Variants in GRM4 observed in about 807,000 individuals in gnomAD.
GRM4 encodes glutamate metabotropic receptor 4.
Under a neutral mutation model 81.7 loss-of-function variants are expected in GRM4, and 28 were observed. The observed-to-expected ratio is 0.34, with a 90% confidence interval of 0.25 to 0.47. The LOEUF is 0.47. Among genes scored for constraint, GRM4 ranks in the 20% least tolerant of loss-of-function variants. The pLI is 1.00. For missense variants in GRM4, 948 were observed against 1,290.0 expected, an observed-to-expected ratio of 0.73 and a Z score of 4.06; for synonymous variants, 488 against 528.8, an observed-to-expected ratio of 0.92 and a Z score of 1.06.
intron 3 of GRM4, among the ~76,000 whole-genome samples, chr6:34,071,572 A>G (rs1766856745): frequency 7.8e-6 from 1 of 128,500 alleles, no homozygotes; most frequent in African/African-American, 2.9e-5. Context: ...TAAACACCAC[A>G]CACACACACA....
In GRM4 at chr6:34,048,617, T is replaced by C. The variant is rs1378170900; in HGVS notation, c.1169-7869A>G. ...ACCTTACTAGGTGACAAGGTTTGGC[T>C]CTGTGTCCCCACCCCAAATCTCACC... On this transcript the variant is annotated intron_variant, in intron 6 of 10. Transcript: ENST00000538487. This position sits in a 1 kb window ranked among gnomAD's most constrained non-coding sequence, Gnocchi z 4.0. Among the ~76,000 whole-genome samples, 2 of 152,152 alleles carry C rather than the reference T, an allele frequency of 1.3e-5. No homozygotes were observed. The highest frequency in any genetic ancestry group is 1.5e-5 in the Non-Finnish European group (1 of 68,026).
chr6:34,077,957 T>C (rs1767402870), intron 3 of GRM4, among the ~76,000 whole-genome samples: 1 of 151,394 alleles, frequency 6.6e-6, no homozygotes. Context: ...CAGTGGCCAC[T>C]GCTGGGCCCT....
intron 3 of GRM4, among the ~76,000 whole-genome samples, chr6:34,081,631 T>C (rs1342551636): frequency 6.6e-6 from 1 of 151,862 alleles, no homozygotes; most frequent in African/African-American, 2.4e-5. Flanking sequence ...GGCCATACAG[T>C]GGTAGAGGGT....
chr6:34,094,752 C>T (rs75675267), intron 2 of GRM4, among the ~76,000 whole-genome samples: 2 of 152,270 alleles, frequency 1.3e-5, no homozygotes, highest in South Asian at 2.1e-4. Flanking sequence ...GAAGCTTGTC[C>T]CTACTTCTGG....
rs1484952546 is a variant in GRM4, at chr6:34,047,693, G to C, written c.1169-6945C>G. Among the ~76,000 whole-genome samples the C allele has an allele frequency of 6.6e-6, 1 of 152,090 alleles. No individual in the cohort carries two copies. Among genetic ancestry groups the C allele is most frequent in the African/African-American group, 2.4e-5 (1 of 41,400 alleles). On this transcript the variant is annotated intron_variant, in intron 6 of 10. Coordinates refer to ENST00000538487, the MANE Select transcript of GRM4 (RefSeq NM_000841.4). The surrounding 1 kb of genome is among the most constrained non-coding windows in gnomAD (Gnocchi z 4.5). ...CTTGGCCCAACACCAACTCCTTCCA[G>C]TCCCAGTGAATGATGCATCCAGGTG...
Position 34,059,403 on chromosome 6 carries a change from C to A in GRM4, c.873-275G>T. On this transcript the variant is annotated intron_variant, in intron 4 of 10. Transcript: ENST00000538487. The surrounding 1 kb of genome is among the most constrained non-coding windows in gnomAD (Gnocchi z 5.7). ...GTGATTCTCCAGGCCTACATCTGTC[C>A]CTGCAAAGACCACACCTCTCCCCTC... is the stretch of plus-strand genomic sequence containing the variant. 1 of 492,044 alleles carries A rather than the reference C, an allele frequency of 2.0e-6. No homozygotes were observed. The highest frequency in any genetic ancestry group is 3.7e-6 in the Non-Finnish European group (1 of 268,786). The allele number at this position is 492,044 out of a possible 1,614,324, so 30.5% of individuals were successfully genotyped here. A position where few individuals can be genotyped will look rare whatever the true frequency, so the allele number is the denominator to read the frequency against.
At chr6:34,073,640 C>T (rs1767154115) in intron 3 of GRM4, among the ~76,000 whole-genome samples, 1 of 152,066 alleles carries the variant, frequency 6.6e-6, no homozygotes, top group African/African-American at 2.4e-5. Flanking sequence ...CACCGTGAAG[C>T]ATCCACACCC....
At position 34,036,750 on chromosome 6, in the gene GRM4, C is replaced by T. The variant is rs77000764; in HGVS notation, c.1507-147G>A. 817 of 582,750 alleles carry T rather than the reference C, an allele frequency of 1.4e-3. 3 individuals are homozygous for T. Among genetic ancestry groups the T allele is most frequent in the African/African-American group, 0.014 (729 of 53,724 alleles). The allele number at this position is 582,750 out of a possible 1,614,324, so 36.1% of individuals were successfully genotyped here. On this transcript the variant is annotated intron_variant, in intron 8 of 10. Transcript: ENST00000538487. This position sits in a 1 kb window ranked among gnomAD's most constrained non-coding sequence, Gnocchi z 9.0. ...TCCAGCTGCCCGGACCCCACAGGGACTTACTGAATCTAACAGCTGGAGTTA... is the reference window on the plus strand; with the variant it reads ...TCCAGCTGCCCGGACCCCACAGGGATTTACTGAATCTAACAGCTGGAGTTA...
chr6:34,110,521 G>A (rs1769330446), intron 2 of GRM4: 2 of 511,758 alleles, frequency 3.9e-6, no homozygotes, highest in Non-Finnish European at 7.0e-6. Context: ...CTGCCAACTG[G>A]GCTTTTCCGC....
Position 34,090,262 on chromosome 6 carries a change from T to C in GRM4, c.736+1621A>G, listed in dbSNP as rs1357961044. 6.6e-6 allele frequency among the ~76,000 whole-genome samples: 1 copy of C among 152,058 alleles called. No individual in the cohort carries two copies. The highest frequency in any genetic ancestry group is 1.5e-5 in the Non-Finnish European group (1 of 67,996). ...TCAGGGCCCTTGATCCCTTCCCCCA[T>C]CCTATACCTTTGCCCCTAAATCCTG... On this transcript the variant is annotated intron_variant, in intron 3 of 10. Coordinates refer to ENST00000538487, the MANE Select transcript of GRM4 (RefSeq NM_000841.4). This position sits in a 1 kb window ranked among gnomAD's most constrained non-coding sequence, Gnocchi z 5.2.
intron 8 of GRM4, among the ~76,000 whole-genome samples, chr6:34,037,391 A>G (rs1457358980): frequency 6.6e-6 from 1 of 152,212 alleles, no homozygotes; most frequent in Non-Finnish European, 1.5e-5. Context: ...GGCATCAGGC[A>G]AAGGGACTTG....
intron 9 of GRM4, among the ~76,000 whole-genome samples, chr6:34,033,641 G>A (rs570278469): frequency 2.9e-4 from 44 of 152,204 alleles, no homozygotes; most frequent in Admixed American, 2.3e-3. Flanking sequence ...TCAGACTGGC[G>A]CTCACAGCTC....
Position 34,136,387 on chromosome 6 carries a change from A to T in GRM4, c.-363-2528T>A, listed in dbSNP as rs1025060024. Among the ~76,000 whole-genome samples, 1 of 152,092 alleles carries T rather than the reference A, an allele frequency of 6.6e-6. No individual in the cohort carries two copies. Among genetic ancestry groups the T allele is most frequent in the African/African-American group, 2.4e-5 (1 of 41,416 alleles). Reference sequence around the variant, plus strand: ...AATTTCAAACAGAGGGCTTTTTGGCATCATGACAGGCTGTGTGCTGGGGCT... The same window carrying T: ...AATTTCAAACAGAGGGCTTTTTGGCTTCATGACAGGCTGTGTGCTGGGGCT... On this transcript the variant is annotated intron_variant, in intron 1 of 10. Coordinates refer to ENST00000538487, the MANE Select transcript of GRM4 (RefSeq NM_000841.4). This position sits in a 1 kb window ranked among gnomAD's most constrained non-coding sequence, Gnocchi z 4.1.
In GRM4 at chr6:34,101,983, C is replaced by T. The variant is rs147017620; in HGVS notation, c.520-9884G>A. ...TGTGGACCTCCACTGCCACCTGTGC[C>T]CTAGTGGCCAGGTCAGGGCCTCTCA... is the stretch of plus-strand genomic sequence containing the variant. On this transcript the variant is annotated intron_variant, in intron 2 of 10. Transcript: ENST00000538487. The T allele has an allele frequency of 3.0e-3, 4,600 of 1,531,300 alleles. 7 individuals are homozygous for T. The highest frequency in any genetic ancestry group is 3.6e-3 in the Non-Finnish European group (4,097 of 1,143,106). The allele number at this position is 1,531,300 out of a possible 1,614,324, so 94.9% of individuals were successfully genotyped here.
chr6:34,060,885 T>C (rs1162279184), intron 4 of GRM4: 1 of 152,372 alleles, frequency 6.6e-6, no homozygotes. Flanking sequence ...CCATTGCAGT[T>C]TGTCCTTTTG....
intron 2 of GRM4, among the ~76,000 whole-genome samples, chr6:34,101,191 C>G (rs1277549469): frequency 2.0e-5 from 3 of 152,050 alleles, no homozygotes; most frequent in African/African-American, 7.3e-5. Context: ...CAATCCTCAT[C>G]ATCATGAGAC....
chr6:34,035,886 C>A lies in GRM4; in HGVS notation c.2224G>T (p.Gly742Cys). The A allele has an allele frequency of 6.2e-7, 1 of 1,608,904 alleles. No homozygotes were observed. The highest frequency in any genetic ancestry group is 8.5e-7 in the Non-Finnish European group (1 of 1,175,816). ...QRTLDPRFAR[G>C]VLKCDISDLS... is the part of the protein sequence containing the mutation. ...TCCGAGATGTCACACTTGAGCACAC[C>A]CCTGGCGAAGCGGGGGTCGAGTGTC... The change falls in exon 9 of 11, where the codon GGT becomes TGT. Residue 742 changes from glycine to cysteine, a missense_variant. Transcript: ENST00000538487. This position sits in a 1 kb window ranked among gnomAD's most constrained non-coding sequence, Gnocchi z 6.6.
rs912236539 is a variant in GRM4 at position 34,136,856 on chromosome 6, G to A, written c.-363-2997C>T. On this transcript the variant is annotated intron_variant, in intron 1 of 10. Transcript: ENST00000538487. This position sits in a 1 kb window ranked among gnomAD's most constrained non-coding sequence, Gnocchi z 4.1. ...TCTTTTAGCTTCCCCTCCCTCCTTT[G>A]ATCATGTAACAGGAACAAGGGAAAA... Among the ~76,000 whole-genome samples, 2 of 150,130 alleles carry A rather than the reference G, an allele frequency of 1.3e-5. No homozygotes were observed. The highest frequency in any genetic ancestry group is 3.0e-5 in the Non-Finnish European group (2 of 67,546).
In GRM4 at chr6:34,035,985, G is replaced by A. The variant is rs1562012959; in HGVS notation, c.2125C>T (p.Leu709=). Residue 709 remains leucine, a synonymous_variant, in exon 9 of 11, where the codon CTG becomes TTG. Coordinates refer to ENST00000538487, the MANE Select transcript of GRM4 (RefSeq NM_000841.4). The surrounding 1 kb of genome is among the most constrained non-coding windows in gnomAD (Gnocchi z 6.6). ...QLAITFSLIS[L]QLLGICVWFV... ...CACACACAGATGCCCAGCAGCTGCA[G>A]CGAGATGAGGCTGAAGGTGATGGCC... 1 of 1,613,664 alleles carries A rather than the reference G, an allele frequency of 6.2e-7. No individual in the cohort carries two copies. Among genetic ancestry groups the A allele is most frequent in the Non-Finnish European group, 8.5e-7 (1 of 1,179,630 alleles).
Sources: gnomAD v4.1 joint callset for allele counts (sites outside exome capture counted in the v4.1 genomes callset) on GRCh38, gnomAD v4.1.1 for gene constraint, Gnocchi (gnomAD v3.1) non-coding constraint, MANE v1.5 for transcripts, NCBI Gene and HGNC (gene_info 2026-07-23, HGNC 2026-07-21) for gene names.